Variants in RNF144B observed in about 807,000 individuals in gnomAD.
The protein encoded by RNF144B is ring finger protein 144B.
In RNF144B, 25 loss-of-function variants were observed where a neutral mutation model predicts 40.2. The observed-to-expected ratio is 0.62, with a 90% CI of 0.45 to 0.87. The LOEUF is 0.87. Ranked by LOEUF, RNF144B falls within the 40% of genes least tolerant of loss-of-function variation. The pLI, the probability that RNF144B is intolerant of heterozygous loss-of-function variation, is 0.00. For synonymous variants in RNF144B, 145 were observed against 136.3 expected (o/e 1.06, Z -0.44); for missense variants, 365 against 373.7 (o/e 0.98, Z 0.19).
intron 4 of RNF144B, among the ~76,000 whole-genome samples, chr6:18,452,923 T>C (rs1377647377): frequency 6.6e-6 from 1 of 151,958 alleles, no homozygotes; most frequent in African/African-American, 2.4e-5. Flanking sequence ...TAGCTGGGAC[T>C]ATAAGTGTGC....
At chr6:18,440,799 T>TTTG (rs1203106430) in intron 4 of RNF144B, among the ~76,000 whole-genome samples, 12 of 150,316 alleles carry the variant, frequency 8.0e-5, no homozygotes, top group Non-Finnish European at 1.3e-4. Flanking sequence ...TGTGGTGTTT[T>TTTG]TTTTTTTTTT....
intron 6 of RNF144B, among the ~76,000 whole-genome samples, chr6:18,461,361 A>G (rs904660485): frequency 2.0e-5 from 3 of 152,172 alleles, no homozygotes; most frequent in Admixed American, 6.6e-5. Flanking sequence ...CTGGATGAGG[A>G]TTTTACTGAT....
chr6:18,411,491 ATATATATTTTT>A (rs1203107135), intron 2 of RNF144B, among the ~76,000 whole-genome samples: 13 of 21,772 alleles, frequency 6.0e-4, no homozygotes, highest in African/African-American at 1.8e-3. Flanking sequence ...ATATATATAT[ATATATATTTTT>A]TTTTTTTTTT....
intron 6 of RNF144B, 92 bp from the exon 7 acceptor site, chr6:18,463,199 C>A (rs541781596): frequency 7.2e-5 from 57 of 787,264 alleles, no homozygotes; most frequent in Admixed American, 3.5e-4. Flanking sequence ...CAGAGAAAAA[C>A]TTTGCCTTCC....
chr6:18,411,222 A>G (rs1217056931), intron 2 of RNF144B, among the ~76,000 whole-genome samples: 1 of 151,480 alleles, frequency 6.6e-6, no homozygotes. Context: ...TGATCTTATG[A>G]TCTGCCTGCC....
chr6:18,397,215 C>T (rs1379185880), intron 1 of RNF144B, among the ~76,000 whole-genome samples: 1 of 152,104 alleles, frequency 6.6e-6, no homozygotes, highest in Non-Finnish European at 1.5e-5. Flanking sequence ...TTTTCCTTTT[C>T]TATCTAATCG....
rs1328232160 is a variant in RNF144B at position 18,434,204 on chromosome 6, TG to T, written c.271-5479del. 7.2e-5 allele frequency among the ~76,000 whole-genome samples: 11 copies of T among 152,190 alleles called. No homozygotes were observed. The highest frequency in any genetic ancestry group is 7.2e-4 in the Admixed American group (11 of 15,284). On this transcript the variant is annotated intron_variant, in intron 3 of 7. Transcript: ENST00000259939. The surrounding 1 kb of genome is among the most constrained non-coding windows in gnomAD (Gnocchi z 4.1). ...TTCTCTAAAGCCTATCCCCAATTTC[TG>T]TTTCATTTTTTTAATTGAGTCTTTT...
At chr6:18,435,337 G>A (rs1758793111) in intron 3 of RNF144B, among the ~76,000 whole-genome samples, 2 of 152,152 alleles carry the variant, frequency 1.3e-5, no homozygotes, top group African/African-American at 4.8e-5. Flanking sequence ...ATATGGATTT[G>A]GTTAGTAATG....
rs1186486548 is a variant in RNF144B, at chr6:18,406,420, A to G, written c.165+6721A>G. Among the ~76,000 whole-genome samples, 3 of 150,524 alleles carry G rather than the reference A, an allele frequency of 2.0e-5. No individual in the cohort carries two copies. Among genetic ancestry groups the G allele is most frequent in the African/African-American group, 4.9e-5 (2 of 40,766 alleles). ...CTTAAGTTGGGAGTGTGCTTGGTGT[A>G]TCCTGTTACAGCAAAGGAGGCTGGT... is the stretch of plus-strand genomic sequence containing the variant. On this transcript the variant is annotated intron_variant, in intron 2 of 7. Transcript: ENST00000259939. This position sits in a 1 kb window ranked among gnomAD's most constrained non-coding sequence, Gnocchi z 4.2.
In RNF144B at chr6:18,392,880, T is replaced by C. The variant is rs1359841375; in HGVS notation, c.-37+5250T>C. ...ATGTACTCATTGAGTTTGAGCATTA[T>C]TCTTTTAAAAAGGGCAGATCATGAG... is the stretch of plus-strand genomic sequence containing the variant. On this transcript the variant is annotated intron_variant, in intron 1 of 7. Coordinates refer to ENST00000259939, the MANE Select transcript of RNF144B (RefSeq NM_182757.4). Among the ~76,000 whole-genome samples the C allele has an allele frequency of 4.6e-5, 7 of 152,152 alleles. No homozygotes were observed. The South Asian group carries it at 1.2e-3, about 27-fold the overall frequency.
chr6:18,418,353 A>G lies in RNF144B; in HGVS notation c.166-9228A>G, dbSNP rs1795184431. Among the ~76,000 whole-genome samples the G allele has an allele frequency of 3.9e-5, 6 of 152,218 alleles. No homozygotes were observed. The South Asian group carries it at 1.2e-3, about 31-fold the overall frequency. On this transcript the variant is annotated intron_variant, in intron 2 of 7. Transcript: ENST00000259939. The surrounding 1 kb of genome is among the most constrained non-coding windows in gnomAD (Gnocchi z 5.2). ...ATCAACTGATGAAAGTATAAACAAA[A>G]TGTGGTATATTCACACAATGGCATA...
In RNF144B at chr6:18,435,885, G is replaced by A. The variant is rs111367255; in HGVS notation, c.271-3799G>A. Among the ~76,000 whole-genome samples the A allele has an allele frequency of 2.8e-5, 4 of 145,366 alleles. No individual in the cohort carries two copies. The South Asian group carries it at 7.0e-4, about 26-fold the overall frequency. On this transcript the variant is annotated intron_variant, in intron 3 of 7. Coordinates refer to ENST00000259939, the MANE Select transcript of RNF144B (RefSeq NM_182757.4). ...CAGGGACTGTTGTGGGGTTGGGGGA[G>A]GGGGGAGGGATAGCATTAGGAGATA... is the stretch of plus-strand genomic sequence containing the variant.
At position 18,442,573 on chromosome 6, in the gene RNF144B, C is replaced by T. The variant is rs144401046; in HGVS notation, c.331+2829C>T. ...AAACATATACCTAACATAAAAGTTG[C>T]CATTTAAACCATTTTTAGATGTGCA... On this transcript the variant is annotated intron_variant, in intron 4 of 7. Transcript: ENST00000259939. This position sits in a 1 kb window ranked among gnomAD's most constrained non-coding sequence, Gnocchi z 4.3. 0.033 allele frequency among the ~76,000 whole-genome samples: 5,070 copies of T among 152,158 alleles called. 185 individuals are homozygous for T. Among genetic ancestry groups the T allele is most frequent in the Non-Finnish European group, 0.041 (2,806 of 67,996 alleles).
intron 3 of RNF144B, among the ~76,000 whole-genome samples, chr6:18,438,467 A>G (rs72832467): frequency 0.011 from 1,668 of 152,322 alleles, 22 homozygotes; most frequent in Middle Eastern, 0.027. Context: ...AAATGTTTTT[A>G]TAATTAAAGT....
chr6:18,411,078 G>A (rs958659189), intron 2 of RNF144B, among the ~76,000 whole-genome samples: 25 of 150,974 alleles, frequency 1.7e-4, no homozygotes, highest in Admixed American at 3.3e-4. Context: ...TCCGCCTCCC[G>A]GGTTCAAGCA....
rs1759420610 is a variant in RNF144B, at chr6:18,460,235, T to G, written c.681+484T>G. Among the ~76,000 whole-genome samples, 1 of 152,198 alleles carries G rather than the reference T, an allele frequency of 6.6e-6. No homozygotes were observed. Among genetic ancestry groups the G allele is most frequent in the Non-Finnish European group, 1.5e-5 (1 of 68,032 alleles). ...TTGCCTTGGAGGCTGTCCGCTTTCCTTGGCTTGTGGCCTCTTCCTCCATCT... is the reference window on the plus strand; with the variant it reads ...TTGCCTTGGAGGCTGTCCGCTTTCCGTGGCTTGTGGCCTCTTCCTCCATCT... On this transcript the variant is annotated intron_variant, in intron 6 of 7. Transcript: ENST00000259939. This position sits in a 1 kb window ranked among gnomAD's most constrained non-coding sequence, Gnocchi z 4.4.
Position 18,457,181 on chromosome 6 carries a change from T to C in RNF144B, c.358T>C (p.Trp120Arg). The C allele has an allele frequency of 2.5e-6, 4 of 1,613,902 alleles. No homozygotes were observed. The highest frequency in any genetic ancestry group is 2.7e-5 in the African/African-American group (2 of 75,056). Residue 120 changes from tryptophan (W) to arginine (R), a missense_variant, in exon 5 of 8, where the codon TGG becomes CGG. By Grantham distance (101) the Trp-to-Arg change is moderately radical. Coordinates refer to ENST00000259939, the MANE Select transcript of RNF144B (RefSeq NM_182757.4). This position sits in a 1 kb window ranked among gnomAD's most constrained non-coding sequence, Gnocchi z 5.1. ...AGTTCATCTGGACCCCTACCGAACATGGTGTCCTGTTGCAGACTGTCAGAC... is the reference window on the plus strand; with the variant it reads ...AGTTCATCTGGACCCCTACCGAACACGGTGTCCTGTTGCAGACTGTCAGAC... ...REVHLDPYRTWCPVADCQTVC... is the reference protein window; with the variant it reads ...REVHLDPYRTRCPVADCQTVC...
Position 18,465,030 on chromosome 6 carries a change from G to A in RNF144B, c.875G>A (p.Arg292Gln), listed in dbSNP as rs767726325. 1.9e-5 allele frequency: 30 copies of A among 1,613,464 alleles called. No homozygotes were observed. The highest frequency in any genetic ancestry group is 2.4e-5 in the Non-Finnish European group (28 of 1,179,866). The part of the protein sequence containing the change: ...CIICCVCKSC[R>Q]GKKKKHDPST... ...ATCTGTTGTGTCTGCAAGTCCTGTCGGGGCAAGAAGAAAAAGCACGACCCA... is the reference window on the plus strand; with the variant it reads ...ATCTGTTGTGTCTGCAAGTCCTGTCAGGGCAAGAAGAAAAAGCACGACCCA... The change falls in exon 8 of 8, where the codon CGG becomes CAG. Residue 292 changes from arginine to glutamine, a missense_variant. By Grantham distance (43) the Arg-to-Gln change is conservative (BLOSUM62 1). Coordinates refer to ENST00000259939, the MANE Select transcript of RNF144B (RefSeq NM_182757.4).
Position 18,463,321 on chromosome 6 carries a change from G to C in RNF144B, c.712G>C (p.Gly238Arg), listed in dbSNP as rs1759508377. ...NDIFLRHYDKGPCRNKLGHSR... is the reference protein window; with the variant it reads ...NDIFLRHYDKRPCRNKLGHSR... ...CATTTTCCTCAGACATTATGACAAA[G>C]GGCCATGCAGGAATAAACTTGGCCA... The change falls in exon 7 of 8, where the codon GGG becomes CGG. Residue 238 changes from glycine (G) to arginine (R), a missense_variant. Coordinates refer to ENST00000259939, the MANE Select transcript of RNF144B (RefSeq NM_182757.4). 2.5e-6 allele frequency: 4 copies of C among 1,609,106 alleles called. No homozygotes were observed. Among genetic ancestry groups the C allele is most frequent in the Admixed American group, 3.3e-5 (2 of 60,004 alleles).
Sources: allele counts gnomAD v4.1 joint callset (sites outside exome capture counted in the v4.1 genomes callset), GRCh38; gene constraint gnomAD v4.1.1; non-coding constraint Gnocchi (gnomAD v3.1); transcripts MANE v1.5; gene names NCBI Gene and HGNC (gene_info 2026-07-23, HGNC 2026-07-21).